TMEM178B: variants seen among roughly 807,000 people sequenced by gnomAD.
The protein encoded by TMEM178B is transmembrane protein 178B.
A neutral mutation model predicts 31.0 loss-of-function variants in TMEM178B; 5 were observed. That is an observed-to-expected ratio of 0.16 (90% CI 0.08 to 0.34). The LOEUF is 0.34. Among genes scored for constraint, TMEM178B ranks in the 10% least tolerant of loss-of-function variants. The pLI is 1.00. For missense variants in TMEM178B, 275 were observed against 400.3 expected (o/e 0.69, Z 2.67); for synonymous variants, 164 against 164.0 (o/e 1.00, Z 0.00).
At chr7:141,376,194 A>G (rs1471974438) in intron 2 of TMEM178B, among the ~76,000 whole-genome samples, 2 of 152,220 alleles carry the variant, frequency 1.3e-5, no homozygotes, top group African/African-American at 2.4e-5. Context: ...TTGATGAGGG[A>G]ATGTTCTACT....
chr7:141,353,917 C>T (rs182786571), intron 2 of TMEM178B, among the ~76,000 whole-genome samples: 12 of 152,280 alleles, frequency 7.9e-5, no homozygotes, highest in African/African-American at 2.2e-4. Context: ...CAGAAGAGGC[C>T]GCCTTGCCCC....
chr7:141,172,140 G>A (rs1796359584), intron 1 of TMEM178B, among the ~76,000 whole-genome samples: 1 of 152,094 alleles, frequency 6.6e-6, no homozygotes, highest in Non-Finnish European at 1.5e-5. Context: ...TTACAGAGTT[G>A]GAATCAGTAT....
chr7:141,100,223 A>G (rs1473611827), intron 1 of TMEM178B, among the ~76,000 whole-genome samples: 1 of 148,684 alleles, frequency 6.7e-6, no homozygotes, highest in Non-Finnish European at 1.5e-5. Flanking sequence ...TTTTTTTTTT[A>G]AATAAGTAAC....
chr7:141,246,381 C>T (rs1182388321), intron 2 of TMEM178B, among the ~76,000 whole-genome samples: 1 of 152,168 alleles, frequency 6.6e-6, no homozygotes, highest in African/African-American at 2.4e-5. Flanking sequence ...ATGTATTTAT[C>T]AGGTTCAGTA....
intron 2 of TMEM178B, among the ~76,000 whole-genome samples, chr7:141,362,870 G>T (rs992727296): frequency 6.6e-6 from 1 of 152,216 alleles, no homozygotes; most frequent in Non-Finnish European, 1.5e-5. Flanking sequence ...ACACTCAGGG[G>T]TCAGTGCATG....
intron 2 of TMEM178B, among the ~76,000 whole-genome samples, chr7:141,249,650 A>G (rs898486186): frequency 1.3e-4 from 6 of 45,050 alleles, no homozygotes; most frequent in Admixed American, 3.3e-4. Context: ...CCCAGTGAGA[A>G]AAGGGGCTCA....
At chr7:141,224,556 C>T (rs148152821) in intron 2 of TMEM178B, among the ~76,000 whole-genome samples, 4 of 152,328 alleles carry the variant, frequency 2.6e-5, no homozygotes, top group African/African-American at 9.6e-5. Context: ...CCCAGAGCTA[C>T]TTGGGGTGTT....
At chr7:141,227,788 T>C (rs1414324450) in intron 2 of TMEM178B, among the ~76,000 whole-genome samples, 2 of 152,172 alleles carry the variant, frequency 1.3e-5, no homozygotes, top group Non-Finnish European at 2.9e-5. Flanking sequence ...ATAAGTGTTT[T>C]AGGGGACAGC....
chr7:141,077,572 C>G (rs758944129), intron 1 of TMEM178B, among the ~76,000 whole-genome samples: 1 of 152,152 alleles, frequency 6.6e-6, no homozygotes, highest in Non-Finnish European at 1.5e-5. Context: ...CCATGCTGTA[C>G]CCACACGTAT....
At chr7:141,220,618 A>G (rs1266368579) in intron 2 of TMEM178B, among the ~76,000 whole-genome samples, 1 of 152,126 alleles carries the variant, frequency 6.6e-6, no homozygotes, top group Admixed American at 6.5e-5. Flanking sequence ...CCTAAGAACC[A>G]CTGTGCTGGT....
At chr7:141,424,129 G>A (rs966035801) in intron 2 of TMEM178B, among the ~76,000 whole-genome samples, 3 of 152,060 alleles carry the variant, frequency 2.0e-5, no homozygotes, top group Admixed American at 2.0e-4. Flanking sequence ...CTCAACATTT[G>A]TATAAGTTTT....
chr7:141,496,846 G>C, the TMEM178B span, among the ~76,000 whole-genome samples: 2 of 152,100 alleles, frequency 1.3e-5, no homozygotes, highest in African/African-American at 4.8e-5. Context: ...CTCTGTGTTT[G>C]ACCTATATAT....
intron 1 of TMEM178B, among the ~76,000 whole-genome samples, chr7:141,136,228 TTTACAGCCAACTGATCTTCAAC>T (rs1296859360): frequency 3.9e-5 from 6 of 152,244 alleles, no homozygotes; most frequent in Non-Finnish European, 7.4e-5. Context: ...AAGCCACATA[TTTACAGCCAACTGATCTTCAAC>T]AAAGTCGACA....
At chr7:141,079,596 T>G (rs1188503501) in intron 1 of TMEM178B, among the ~76,000 whole-genome samples, 1 of 152,210 alleles carries the variant, frequency 6.6e-6, no homozygotes, top group Non-Finnish European at 1.5e-5. Flanking sequence ...CATGGTCAAT[T>G]ATAGTAAATT....
the TMEM178B span, among the ~76,000 whole-genome samples, chr7:141,511,239 C>T: frequency 1.0e-5 from 1 of 95,602 alleles, no homozygotes; most frequent in Non-Finnish European, 2.2e-5. Flanking sequence ...ATTAAGTGCT[C>T]TGTATACTGG....
intron 2 of TMEM178B, among the ~76,000 whole-genome samples, chr7:141,223,676 G>T (rs544814494): frequency 6.6e-6 from 1 of 152,058 alleles, no homozygotes; most frequent in African/African-American, 2.4e-5. Flanking sequence ...TACTTATCTT[G>T]TTTCACTCTC....
At chr7:141,379,458 C>T (rs1292971466) in intron 2 of TMEM178B, among the ~76,000 whole-genome samples, 1 of 150,472 alleles carries the variant, frequency 6.6e-6, no homozygotes, top group African/African-American at 2.4e-5. Context: ...ACATTCCATC[C>T]TGGGTGACAG....
chr7:141,393,406 A>T (rs1800580514), intron 2 of TMEM178B, among the ~76,000 whole-genome samples: 1 of 152,222 alleles, frequency 6.6e-6, no homozygotes, highest in Admixed American at 6.5e-5. Context: ...CTTTCAACCA[A>T]GAGTACAAAG....
At chr7:141,206,850 T>C (rs928082671) in intron 1 of TMEM178B, among the ~76,000 whole-genome samples, 1 of 152,238 alleles carries the variant, frequency 6.6e-6, no homozygotes, top group Admixed American at 6.5e-5. Context: ...TATAATAGTA[T>C]TATTAACTAT....
Sources: allele counts gnomAD v4.1 joint callset (sites outside exome capture counted in the v4.1 genomes callset), GRCh38; gene constraint gnomAD v4.1.1; transcripts MANE v1.5; gene names NCBI Gene and HGNC (gene_info 2026-07-23, HGNC 2026-07-21).